GOLPH3L: variants seen among roughly 807,000 people sequenced by gnomAD.
The protein encoded by GOLPH3L is golgi phosphoprotein 3 like.
In GOLPH3L, 22 loss-of-function variants were observed where a neutral mutation model predicts 30.3. That is an observed-to-expected ratio of 0.73 (90% CI 0.52 to 1.04). The LOEUF is 1.04. Ranked by LOEUF, GOLPH3L falls within the 50% of genes least tolerant of loss-of-function variation. GOLPH3L has a pLI of 0.00. For missense variants in GOLPH3L, 303 were observed against 345.8 expected, an observed-to-expected ratio of 0.88 and a Z score of 0.98; for synonymous variants, 120 against 128.2, an observed-to-expected ratio of 0.94 and a Z score of 0.43.
intron 4 of GOLPH3L, among the ~76,000 whole-genome samples, chr1:150,653,561 A>G (rs867328130): frequency 1.3e-5 from 2 of 149,650 alleles, no homozygotes; most frequent in Non-Finnish European, 3.0e-5. Context: ...CCCCAGCCCA[A>G]CTGATCCTCC....
At chr1:150,672,370 G>A (rs894107214) in intron 2 of GOLPH3L, among the ~76,000 whole-genome samples, 2 of 152,158 alleles carry the variant, frequency 1.3e-5, no homozygotes, top group African/African-American at 4.8e-5. Context: ...ACAAATTAAT[G>A]TGATTCATCG....
chr1:150,690,040 A>G (rs1651174920), intron 2 of GOLPH3L, among the ~76,000 whole-genome samples: 3 of 152,048 alleles, frequency 2.0e-5, no homozygotes, highest in Admixed American at 2.0e-4. Context: ...AGGTTGGAGT[A>G]CAGTGGCACA....
rs2101790053 is a variant in GOLPH3L, at chr1:150,663,637, T to G, written c.310A>C (p.Arg104=). Residue 104 remains arginine (R), a synonymous_variant, in exon 3 of 5, where the codon AGA becomes CGA. Coordinates refer to ENST00000271732, the MANE Select transcript of GOLPH3L (RefSeq NM_018178.6). ...PTMRKKRLLD[R]KVLLKSDSPT... Reference sequence around the variant, plus strand: ...GTTCACAGAGGATTCAGTACCTTTCTGTCTAGTAGTCGCTTCTTACGCATG... The same window carrying G: ...GTTCACAGAGGATTCAGTACCTTTCGGTCTAGTAGTCGCTTCTTACGCATG... 6.2e-7 allele frequency: 1 copy of G among 1,611,982 alleles called. No individual in the cohort carries two copies. The highest frequency in any genetic ancestry group is 1.1e-5 in the South Asian group (1 of 90,898).
intron 2 of GOLPH3L, among the ~76,000 whole-genome samples, chr1:150,680,287 T>C: frequency 6.6e-6 from 1 of 152,192 alleles, no homozygotes; most frequent in Non-Finnish European, 1.5e-5. Context: ...TTATCCTTCC[T>C]CTACACCTCA....
chr1:150,675,868 C>A (rs1650764305), intron 2 of GOLPH3L, among the ~76,000 whole-genome samples: 1 of 147,866 alleles, frequency 6.8e-6, no homozygotes, highest in Non-Finnish European at 1.5e-5. Flanking sequence ...TCTTTCACTA[C>A]AGGGAGTCAG....
At chr1:150,667,959 C>G (rs1335395824) in intron 2 of GOLPH3L, among the ~76,000 whole-genome samples, 2 of 152,094 alleles carry the variant, frequency 1.3e-5, no homozygotes, top group East Asian at 3.9e-4. Flanking sequence ...TTGAAAAGAA[C>G]CAATATTCTT....
At chr1:150,691,350 T>C (rs1651206751) in intron 2 of GOLPH3L, among the ~76,000 whole-genome samples, 1 of 152,004 alleles carries the variant, frequency 6.6e-6, no homozygotes, top group South Asian at 2.1e-4. Flanking sequence ...ACCCCATCTC[T>C]ACTAAAAATA....
rs189080713 is a variant in GOLPH3L, at chr1:150,660,519, G to C, written c.430+1295C>G. Among the ~76,000 whole-genome samples the C allele has an allele frequency of 3.2e-5, 4 of 125,754 alleles. No individual in the cohort carries two copies. In the East Asian group the frequency reaches 9.7e-4, roughly 30 times the overall value. 82.5% of individuals were successfully genotyped at this position (125,754 alleles called of 152,430 possible). A position where few individuals can be genotyped will look rare whatever the true frequency, so the allele number is the denominator to read the frequency against. On this transcript the variant is annotated intron_variant, in intron 4 of 4. Transcript: ENST00000271732. ...CAGCATTATTCACAATAGCCAAAAG[G>C]TGGAAACAAGGCAAGTGTCCATCAA...
At chr1:150,661,986 C>A in intron 3 of GOLPH3L, 58 bp from the exon 4 acceptor site, 1 of 810,182 alleles carries the variant, frequency 1.2e-6, no homozygotes, top group Non-Finnish European at 2.2e-6. Context: ...AAGTTAAAAT[C>A]TTTCAATATA....
chr1:150,670,939 GTTA>G (rs1228078590), intron 2 of GOLPH3L, among the ~76,000 whole-genome samples: 3 of 151,856 alleles, frequency 2.0e-5, no homozygotes, highest in Admixed American at 6.6e-5. Context: ...ACAGTATTTT[GTTA>G]TTATTAAAAA....
intron 2 of GOLPH3L, among the ~76,000 whole-genome samples, chr1:150,691,947 G>C (rs1461596392): frequency 2.0e-5 from 3 of 149,366 alleles, no homozygotes; most frequent in African/African-American, 7.4e-5. Flanking sequence ...TTCTGCTGTT[G>C]ATGGACCTTC....
chr1:150,681,030 C>T (rs963405332), intron 2 of GOLPH3L, among the ~76,000 whole-genome samples: 1 of 152,118 alleles, frequency 6.6e-6, no homozygotes, highest in South Asian at 2.1e-4. Flanking sequence ...ATCCCAGCTA[C>T]TCGGGAGGCT....
Position 150,648,526 on chromosome 1 carries a change from A to G in GOLPH3L, c.653T>C (p.Met218Thr). 6.2e-7 allele frequency: 1 copy of G among 1,613,922 alleles called. No homozygotes were observed. The highest frequency in any genetic ancestry group is 8.5e-7 in the Non-Finnish European group (1 of 1,179,808). ...LERWVNDPQRMDKRTLALLVL... is the reference protein window; with the variant it reads ...LERWVNDPQRTDKRTLALLVL... ...CAGGAGTGCTAGTGTTCGCTTGTCC[A>G]TACGCTGAGGGTCATTTACCCACCG... The change falls in exon 5 of 5, where the codon ATG (methionine) becomes ACG (threonine). Residue 218 changes from methionine (M) to threonine (T), a missense_variant. Transcript: ENST00000271732.
At chr1:150,690,098 C>T (rs72702536) in intron 2 of GOLPH3L, among the ~76,000 whole-genome samples, 58,491 of 151,670 alleles carry the variant, frequency 0.39, 11,606 homozygotes, top group South Asian at 0.56. Context: ...GCAATCCTCT[C>T]GCCTCAATCT....
At chr1:150,675,723 C>G (rs1041905370) in intron 2 of GOLPH3L, among the ~76,000 whole-genome samples, 1 of 134,716 alleles carries the variant, frequency 7.4e-6, no homozygotes, top group Non-Finnish European at 1.5e-5. Flanking sequence ...TTGCAGTGAG[C>G]CAAGCTCGCG....
chr1:150,694,865 G>GAAAAAAAAA lies in GOLPH3L; in HGVS notation c.-12-24_-12-16dup. On this transcript the variant is annotated splice_polypyrimidine_tract_variant and intron_variant, in intron 1 of 4. Coordinates refer to ENST00000271732, the MANE Select transcript of GOLPH3L (RefSeq NM_018178.6). ...CTCACCTGTTTCTGGAGGGAGTGGT[G>GAAAAAAAAA]AAAAAAAAAATCCATATGTATGCTT... is the stretch of plus-strand genomic sequence containing the variant. 7.2e-7 allele frequency: 1 copy of GAAAAAAAAA among 1,392,592 alleles called. No individual in the cohort carries two copies. The highest frequency in any genetic ancestry group is 2.3e-5 in the Admixed American group (1 of 42,572). 86.3% of individuals were successfully genotyped at this position (1,392,592 alleles called of 1,614,324 possible). A position where few individuals can be genotyped will look rare whatever the true frequency, so the allele number is the denominator to read the frequency against.
At chr1:150,680,130 T>G (rs1360203001) in intron 2 of GOLPH3L, among the ~76,000 whole-genome samples, 3 of 151,886 alleles carry the variant, frequency 2.0e-5, no homozygotes, top group Non-Finnish European at 1.5e-5. Context: ...TTGGAGGTAA[T>G]AAGATAAAGA....
intron 1 of GOLPH3L, 86 bp from the exon 2 acceptor site, chr1:150,694,936 C>A: frequency 2.8e-6 from 2 of 711,320 alleles, no homozygotes; most frequent in Non-Finnish European, 4.8e-6. Context: ...AACATCCATA[C>A]AAATAGGAAA....
intron 2 of GOLPH3L, among the ~76,000 whole-genome samples, chr1:150,693,577 G>A (rs967180853): frequency 6.6e-6 from 1 of 151,670 alleles, no homozygotes; most frequent in Non-Finnish European, 1.5e-5. Context: ...ATAGTGTGAT[G>A]AGAAAACACA....
Sources: gnomAD v4.1 joint callset for allele counts (sites outside exome capture counted in the v4.1 genomes callset) on GRCh38, gnomAD v4.1.1 for gene constraint, MANE v1.5 for transcripts, NCBI Gene and HGNC (gene_info 2026-07-23, HGNC 2026-07-21) for gene names.